The following ZCWPW2 variants were observed in gnomAD, a reference collection of about 807,000 sequenced individuals.
The protein encoded by ZCWPW2 is zinc finger CW-type PWWP domain protein 2.
ZCWPW2 carries 45 observed loss-of-function variants against 46.6 expected under a neutral mutation model. The ratio of observed to expected loss-of-function variants is 0.96; its 90% CI spans 0.76 to 1.24. The LOEUF (loss-of-function observed/expected upper bound fraction) is 1.24. Ranked by LOEUF, ZCWPW2 falls within the 50% of genes most tolerant of loss-of-function variation. The pLI, the probability that ZCWPW2 is intolerant of heterozygous loss-of-function variation, is 0.00. For missense variants in ZCWPW2, 429 were observed against 403.9 expected (o/e 1.06, Z -0.53); for synonymous variants, 152 against 137.1 (o/e 1.11, Z -0.76).
At chr3:28,470,813 CA>C (rs1699014447) in intron 4 of ZCWPW2, among the ~76,000 whole-genome samples, 1 of 151,564 alleles carries the variant, frequency 6.6e-6, no homozygotes, top group African/African-American at 2.4e-5. Flanking sequence ...AAAATATCAA[CA>C]AAACAATTTT....
In ZCWPW2 at chr3:28,514,033, A is replaced by C. The variant is rs199675040; in HGVS notation, c.658-31A>C. On this transcript the variant is annotated intron_variant, in intron 6 of 9. Coordinates refer to ENST00000383768, the MANE Select transcript of ZCWPW2 (RefSeq NM_001040432.4). ...ACTGAGCTGATTTAGTCCTATATGA[A>C]CTAACTCATATTTTTGTTTTTGTGT... is the stretch of plus-strand genomic sequence containing the variant. 49 of 1,468,676 alleles carry C rather than the reference A, an allele frequency of 3.3e-5. No individual in the cohort carries two copies. In the Admixed American group the frequency reaches 9.3e-4, roughly 28 times the overall value. The allele number at this position is 1,468,676 out of a possible 1,614,324, so 91.0% of individuals were successfully genotyped here.
At chr3:28,459,302 G>A (rs985918898) in intron 4 of ZCWPW2, among the ~76,000 whole-genome samples, 5 of 151,996 alleles carry the variant, frequency 3.3e-5, no homozygotes, top group African/African-American at 4.8e-5. Flanking sequence ...CCCGGGAGGC[G>A]GAGGTGGCAG....
At chr3:28,500,986 T>A (rs185729571) in intron 6 of ZCWPW2, among the ~76,000 whole-genome samples, 323 of 152,282 alleles carry the variant, frequency 2.1e-3, no homozygotes, top group Non-Finnish European at 3.6e-3. Flanking sequence ...AGGCCAGTGT[T>A]CCCCAGACTT....
Position 28,349,222 on chromosome 3 carries a change from G to T in ZCWPW2, c.-134+19G>T. The T allele has an allele frequency of 1.0e-6, 1 of 984,790 alleles. No individual in the cohort carries two copies. The allele number at this position is 984,790 out of a possible 1,614,324, so 61.0% of individuals were successfully genotyped here. On this transcript the variant is annotated intron_variant, in intron 1 of 9. Coordinates refer to ENST00000383768, the MANE Select transcript of ZCWPW2 (RefSeq NM_001040432.4). Reference sequence around the variant, plus strand: ...GAGTTAGGTAAGAGCGTTACCAGCCGTCTTGTCTGTTGGGCCGAGGTCCCC... The same window carrying T: ...GAGTTAGGTAAGAGCGTTACCAGCCTTCTTGTCTGTTGGGCCGAGGTCCCC...
intron 4 of ZCWPW2, among the ~76,000 whole-genome samples, chr3:28,463,318 G>A (rs1698710242): frequency 6.6e-6 from 1 of 152,028 alleles, no homozygotes; most frequent in Admixed American, 6.6e-5. Context: ...GGAATGTGAT[G>A]ATCATGATAC....
intron 4 of ZCWPW2, among the ~76,000 whole-genome samples, chr3:28,467,674 C>G (rs1331256377): frequency 6.6e-6 from 1 of 152,142 alleles, no homozygotes; most frequent in East Asian, 1.9e-4. Context: ...GTAAGTAAGT[C>G]AAGGAACATG....
chr3:28,363,083 T>A (rs1256263443), intron 1 of ZCWPW2, among the ~76,000 whole-genome samples: 1 of 151,546 alleles, frequency 6.6e-6, no homozygotes. Context: ...AGGGAGAGGT[T>A]CAGAAAAAAA....
At chr3:28,445,912 A>G (rs188147949) in intron 4 of ZCWPW2, among the ~76,000 whole-genome samples, 2 of 152,200 alleles carry the variant, frequency 1.3e-5, no homozygotes, top group Admixed American at 6.5e-5. Context: ...CAAAATAAAC[A>G]TAAATGTTAC....
At chr3:28,377,357 A>G (rs2125706830) in intron 1 of ZCWPW2, among the ~76,000 whole-genome samples, 1 of 152,236 alleles carries the variant, frequency 6.6e-6, no homozygotes, top group East Asian at 1.9e-4. Context: ...AACTGAGAGT[A>G]AGAACGTTAT....
At chr3:28,489,441 A>T (rs1402481504) in intron 5 of ZCWPW2, among the ~76,000 whole-genome samples, 1 of 151,896 alleles carries the variant, frequency 6.6e-6, no homozygotes, top group Non-Finnish European at 1.5e-5. Flanking sequence ...GATTTTAGTG[A>T]TCTTATTTTT....
At chr3:28,499,028 T>G (rs1452431196) in intron 6 of ZCWPW2, among the ~76,000 whole-genome samples, 1 of 152,202 alleles carries the variant, frequency 6.6e-6, no homozygotes, top group Non-Finnish European at 1.5e-5. Flanking sequence ...GTGCCACATT[T>G]TCTTTATCCA....
At chr3:28,448,527 G>T (rs1379420941) in intron 4 of ZCWPW2, among the ~76,000 whole-genome samples, 2 of 151,962 alleles carry the variant, frequency 1.3e-5, no homozygotes, top group Non-Finnish European at 1.5e-5. Flanking sequence ...GCTCATGCCT[G>T]TAATCCCAGC....
At chr3:28,382,162 C>CAAAA (rs1237903671) in intron 1 of ZCWPW2, among the ~76,000 whole-genome samples, 2 of 81,390 alleles carry the variant, frequency 2.5e-5, no homozygotes, top group Admixed American at 1.3e-4. Context: ...AACTGCATCT[C>CAAAA]AAAAAAAAAA....
chr3:28,506,131 T>A (rs1700271184), intron 6 of ZCWPW2, among the ~76,000 whole-genome samples: 1 of 147,754 alleles, frequency 6.8e-6, no homozygotes, highest in African/African-American at 2.5e-5. Context: ...TATATATTTT[T>A]AATATATATA....
chr3:28,496,967 T>C (rs1249643278), intron 6 of ZCWPW2, among the ~76,000 whole-genome samples: 1 of 150,900 alleles, frequency 6.6e-6, no homozygotes, highest in Non-Finnish European at 1.5e-5. Flanking sequence ...GTATTTTGTT[T>C]ATTTATATAA....
intron 6 of ZCWPW2, among the ~76,000 whole-genome samples, chr3:28,513,604 G>A (rs1037511829): frequency 6.6e-6 from 1 of 151,902 alleles, no homozygotes; most frequent in African/African-American, 2.4e-5. Context: ...TCTTTGCCTA[G>A]ACATGAAAAG....
At chr3:28,381,481 G>A (rs765867003) in intron 1 of ZCWPW2, among the ~76,000 whole-genome samples, 1 of 152,110 alleles carries the variant, frequency 6.6e-6, no homozygotes, top group Non-Finnish European at 1.5e-5. Context: ...TGGTTTTGCT[G>A]TTTCAGGGAT....
chr3:28,413,290 T>G lies in ZCWPW2; in HGVS notation c.222T>G (p.Ser74=). The G allele has an allele frequency of 1.2e-6, 2 of 1,613,316 alleles. No individual in the cohort carries two copies. The highest frequency in any genetic ancestry group is 1.7e-6 in the Non-Finnish European group (2 of 1,179,528). ...CAAGATATAATAACTGCTCAATTTC[T>G]GAAGAAGACTTCCCTGAAGAGTCTC... The part of the protein sequence containing the change: ...TDSRYNNCSI[S]EEDFPEESQL... Residue 74 remains serine, a synonymous_variant, in exon 3 of 10, where the codon TCT becomes TCG. Coordinates refer to ENST00000383768, the MANE Select transcript of ZCWPW2 (RefSeq NM_001040432.4).
At chr3:28,491,602 C>T (rs955632138) in intron 5 of ZCWPW2, among the ~76,000 whole-genome samples, 3 of 152,066 alleles carry the variant, frequency 2.0e-5, no homozygotes, top group East Asian at 1.9e-4. Context: ...TAGAGGCTTG[C>T]GATCAGATGG....
Sources: allele counts gnomAD v4.1 joint callset (sites outside exome capture counted in the v4.1 genomes callset), GRCh38; gene constraint gnomAD v4.1.1; transcripts MANE v1.5; gene names NCBI Gene and HGNC (gene_info 2026-07-23, HGNC 2026-07-21).